Variants in TENM4 observed in about 807,000 individuals in gnomAD.
The protein encoded by TENM4 is teneurin transmembrane protein 4, also known as teneurin-4.
In TENM4, 82 loss-of-function variants were observed where a neutral mutation model predicts 243.3. That is an observed-to-expected ratio of 0.34 (90% CI 0.28 to 0.40). TENM4 has a LOEUF of 0.40. Among genes scored for constraint, TENM4 ranks in the 10% least tolerant of loss-of-function variants. The probability of loss-of-function intolerance (pLI) is 1.00; values close to 1 mark genes in which losing one functional copy is unlikely to be tolerated. For synonymous variants in TENM4, 1,412 were observed against 1,456.3 expected (o/e 0.97, Z 0.69); for missense variants, 3,138 against 3,673.3 (o/e 0.85, Z 3.77).
At chr11:79,223,985 T>C (rs530500619) in intron 2 of TENM4, among the ~76,000 whole-genome samples, 21 of 152,260 alleles carry the variant, frequency 1.4e-4, no homozygotes, top group Admixed American at 2.6e-4. Flanking sequence ...CACTTTCAGG[T>C]GTTAGATTTA....
chr11:79,262,353 T>A (rs530303579), intron 2 of TENM4, among the ~76,000 whole-genome samples: 1 of 152,200 alleles, frequency 6.6e-6, no homozygotes, highest in Non-Finnish European at 1.5e-5. Flanking sequence ...GCCCAGCCAT[T>A]GGTCTGACAC....
chr11:78,779,934 AG>A (rs1342765799), intron 16 of TENM4, among the ~76,000 whole-genome samples: 1 of 152,242 alleles, frequency 6.6e-6, no homozygotes, highest in Non-Finnish European at 1.5e-5. Flanking sequence ...CTCAAAGACT[AG>A]TGGATGAGAG....
At chr11:79,172,666 CTT>C (rs71457503) in intron 3 of TENM4, among the ~76,000 whole-genome samples, 55 of 137,656 alleles carry the variant, frequency 4.0e-4, no homozygotes, top group Admixed American at 5.1e-4. Context: ...TTTTCTGTTC[CTT>C]TTTTTTTTTT....
chr11:79,112,307 T>C (rs1861525375), intron 4 of TENM4, among the ~76,000 whole-genome samples: 1 of 152,190 alleles, frequency 6.6e-6, no homozygotes. Flanking sequence ...CCAGATAGAA[T>C]TCAGTGTGGT....
chr11:79,217,403 A>G (rs907358568), intron 2 of TENM4, among the ~76,000 whole-genome samples: 6 of 152,198 alleles, frequency 3.9e-5, no homozygotes, highest in African/African-American at 1.4e-4. Flanking sequence ...ACACTTAGGC[A>G]TAGGAGGTTA....
At chr11:78,873,415 G>A (rs1301524061) in intron 9 of TENM4, among the ~76,000 whole-genome samples, 1 of 152,170 alleles carries the variant, frequency 6.6e-6, no homozygotes, top group Non-Finnish European at 1.5e-5. Context: ...AAAGCCCAAT[G>A]GGGTAAGTAT....
intron 3 of TENM4, among the ~76,000 whole-genome samples, chr11:79,201,502 C>CAA (rs11418108): frequency 0.19 from 27,904 of 145,404 alleles, 3,391 homozygotes; most frequent in Non-Finnish European, 0.28. Context: ...AATAACCAGG[C>CAA]AAAAAAAAAA....
chr11:79,187,119 A>G (rs2135152986), intron 3 of TENM4, among the ~76,000 whole-genome samples: 1 of 152,252 alleles, frequency 6.6e-6, no homozygotes, highest in South Asian at 2.1e-4. Context: ...CACTGCTCTA[A>G]TGATATGATA....
intron 2 of TENM4, among the ~76,000 whole-genome samples, chr11:79,278,521 C>T (rs541192323): frequency 4.9e-4 from 74 of 152,316 alleles, no homozygotes; most frequent in African/African-American, 1.7e-3. Context: ...CGCTGAGAAC[C>T]TCTTGAAAGA....
At chr11:78,686,907 A>G (rs1471745285) in intron 29 of TENM4, among the ~76,000 whole-genome samples, 1 of 152,220 alleles carries the variant, frequency 6.6e-6, no homozygotes, top group African/African-American at 2.4e-5. Context: ...AGTGGTTGTA[A>G]GAATATACAG....
At chr11:79,201,261 G>A (rs1008096016) in intron 3 of TENM4, among the ~76,000 whole-genome samples, 2 of 152,118 alleles carry the variant, frequency 1.3e-5, no homozygotes, top group Non-Finnish European at 2.9e-5. Context: ...TGACACTGGT[G>A]GTCCAGGGAC....
At chr11:78,828,438 T>C (rs1478418578) in intron 12 of TENM4, among the ~76,000 whole-genome samples, 2 of 152,246 alleles carry the variant, frequency 1.3e-5, no homozygotes, top group Non-Finnish European at 2.9e-5. Context: ...TCTATCAGGA[T>C]ATAACACAGT....
Position 78,669,321 on chromosome 11 carries a change from G to C in TENM4, c.7024C>G (p.Gln2342Glu), listed in dbSNP as rs1358488666. The C allele has an allele frequency of 6.2e-7, 1 of 1,613,928 alleles. No homozygotes were observed. The highest frequency in any genetic ancestry group is 8.5e-7 in the Non-Finnish European group (1 of 1,179,836). The change falls in exon 32 of 34, where the codon CAA becomes GAA. Residue 2342 changes from glutamine (Q) to glutamate (E), a missense_variant. Gln to Glu is a conservative substitution (Grantham distance 29). Coordinates refer to ENST00000278550, the MANE Select transcript of TENM4 (RefSeq NM_001098816.3). This position sits in a 1 kb window ranked among gnomAD's most constrained non-coding sequence, Gnocchi z 6.4. The stretch of plus-strand genomic sequence containing the variant: ...AGCTCCATGGCAAAGAGGTGTCCTT[G>C]CAAGTCGTAGTAGAGGGAGGTGATC... ...SEITSLYYDL[Q>E]GHLFAMELSS...
intron 9 of TENM4, among the ~76,000 whole-genome samples, chr11:78,872,029 G>T (rs1057379991): frequency 6.6e-6 from 1 of 152,056 alleles, no homozygotes; most frequent in Non-Finnish European, 1.5e-5. Context: ...TATAGATTAG[G>T]TGCCTCAAAA....
chr11:79,362,994 G>A (rs746588019), intron 1 of TENM4, among the ~76,000 whole-genome samples: 4 of 152,204 alleles, frequency 2.6e-5, no homozygotes, highest in Non-Finnish European at 2.9e-5. Flanking sequence ...CCTGACTGGC[G>A]ATTAGTCTGA....
chr11:79,015,476 T>TTGTGTGTG lies in TENM4; in HGVS notation c.493+49261_493+49262insCACACACA, dbSNP rs1565168039. Among the ~76,000 whole-genome samples, 39 of 95,506 alleles carry TTGTGTGTG rather than the reference T, an allele frequency of 4.1e-4. 1 individual carries two copies. Among genetic ancestry groups the TTGTGTGTG allele is most frequent in the African/African-American group, 2.0e-3 (37 of 18,392 alleles). The allele number at this position is 95,506 out of a possible 152,430, so 62.7% of individuals were successfully genotyped here. A position where few individuals can be genotyped will look rare whatever the true frequency, so the allele number is the denominator to read the frequency against. On this transcript the variant is annotated intron_variant, in intron 6 of 33. Transcript: ENST00000278550. ...TGATTTCATGAGAAAAAAAGTCATT[T>TTGTGTGTG]AGTGTGTGTGTGTGTGTGTGTGTGT...
At chr11:79,125,745 A>G (rs951049019) in intron 4 of TENM4, among the ~76,000 whole-genome samples, 5 of 152,154 alleles carry the variant, frequency 3.3e-5, no homozygotes, top group Admixed American at 6.5e-5. Flanking sequence ...TGCCTGAGGC[A>G]ACAGTGATGG....
At chr11:79,107,786 G>C (rs1042643994) in intron 4 of TENM4, among the ~76,000 whole-genome samples, 2 of 152,142 alleles carry the variant, frequency 1.3e-5, no homozygotes, top group African/African-American at 4.8e-5. Flanking sequence ...ATTTTCACAC[G>C]TTATTGCATT....
chr11:79,101,081 G>A (rs1343261394), intron 4 of TENM4, among the ~76,000 whole-genome samples: 1 of 152,164 alleles, frequency 6.6e-6, no homozygotes, highest in Non-Finnish European at 1.5e-5. Flanking sequence ...AGCTACCTGG[G>A]AAGAGGGGAG....
Sources: gnomAD v4.1 joint callset for allele counts (sites outside exome capture counted in the v4.1 genomes callset) on GRCh38, gnomAD v4.1.1 for gene constraint, Gnocchi (gnomAD v3.1) non-coding constraint, MANE v1.5 for transcripts, NCBI Gene and HGNC (gene_info 2026-07-23, HGNC 2026-07-21) for gene names.